The following ARFGEF3 variants were observed in gnomAD, a reference collection of about 807,000 sequenced individuals.
ARFGEF3 encodes the protein brefeldin A-inhibited guanine nucleotide-exchange protein 3.
ARFGEF3 carries 96 observed loss-of-function variants against 221.7 expected under a neutral mutation model. That is an observed-to-expected ratio of 0.43 (90% CI 0.37 to 0.51). The LOEUF (loss-of-function observed/expected upper bound fraction) is 0.51. ARFGEF3 is among the 20% of genes least tolerant of loss of function. The pLI, the probability that ARFGEF3 is intolerant of heterozygous loss-of-function variation, is 0.00. For synonymous variants in ARFGEF3, 1,145 were observed against 1,126.8 expected, an observed-to-expected ratio of 1.02 and a Z score of -0.32; for missense variants, 2,410 against 2,789.9, an observed-to-expected ratio of 0.86 and a Z score of 3.07.
chr6:138,187,787 C>T (rs1221840973), intron 2 of ARFGEF3, among the ~76,000 whole-genome samples: 1 of 152,176 alleles, frequency 6.6e-6, no homozygotes, highest in Non-Finnish European at 1.5e-5. Flanking sequence ...CACTGTAGCC[C>T]ACCTCAGCAT....
chr6:138,187,439 G>A (rs1777210761), intron 2 of ARFGEF3, among the ~76,000 whole-genome samples: 1 of 152,200 alleles, frequency 6.6e-6, no homozygotes, highest in African/African-American at 2.4e-5. Flanking sequence ...CTGGAGCAGT[G>A]AGGCTCCTTG....
intron 1 of ARFGEF3, among the ~76,000 whole-genome samples, chr6:138,167,436 C>A (rs1776743946): frequency 6.6e-6 from 1 of 152,204 alleles, no homozygotes; most frequent in Admixed American, 6.5e-5. Flanking sequence ...AGGCACTCAG[C>A]TCAACAAGGC....
At position 138,338,835 on chromosome 6, in the gene ARFGEF3, C is replaced by G. The variant is rs1253075550; in HGVS notation, c.*2349C>G. On this transcript the variant is annotated 3_prime_UTR_variant, in exon 34 of 34. Coordinates refer to ENST00000251691, the MANE Select transcript of ARFGEF3 (RefSeq NM_020340.5). ...AAAAAAAAAAGTGAATACTGTATCC[C>G]AAAGTATGTTAGTTGTTTGTTTGGA... is the stretch of plus-strand genomic sequence containing the variant. The G allele has an allele frequency of 6.6e-6, 1 of 151,512 alleles. No homozygotes were observed. The highest frequency in any genetic ancestry group is 1.5e-5 in the Non-Finnish European group (1 of 68,020). The allele number at this position is 151,512 out of a possible 1,614,324, so 9.4% of individuals were successfully genotyped here. A position where few individuals can be genotyped will look rare whatever the true frequency, so the allele number is the denominator to read the frequency against.
intron 2 of ARFGEF3, among the ~76,000 whole-genome samples, chr6:138,205,029 G>A (rs943599345): frequency 6.6e-6 from 1 of 152,170 alleles, no homozygotes; most frequent in African/African-American, 2.4e-5. Flanking sequence ...TGTATAAGCA[G>A]GTGAGAGAGT....
At chr6:138,273,887 AC>A (rs759355739) in intron 12 of ARFGEF3, among the ~76,000 whole-genome samples, 1 of 152,206 alleles carries the variant, frequency 6.6e-6, no homozygotes, top group Non-Finnish European at 1.5e-5. Context: ...CTTTAAGTTG[AC>A]AAAATAGACC....
intron 15 of ARFGEF3, among the ~76,000 whole-genome samples, chr6:138,286,465 A>G (rs1427217722): frequency 6.6e-6 from 1 of 151,978 alleles, no homozygotes; most frequent in African/African-American, 2.4e-5. Flanking sequence ...AAAAAAAAAA[A>G]AGAAAAAGAA....
chr6:138,309,699 C>CA (rs1274144251), intron 24 of ARFGEF3, among the ~76,000 whole-genome samples: 2 of 152,144 alleles, frequency 1.3e-5, no homozygotes, highest in African/African-American at 2.4e-5. Flanking sequence ...AGTTCAAAGG[C>CA]CTCAGAATGA....
intron 2 of ARFGEF3, among the ~76,000 whole-genome samples, chr6:138,177,792 T>C (rs781303376): frequency 1.3e-5 from 2 of 152,060 alleles, no homozygotes; most frequent in Non-Finnish European, 2.9e-5. Flanking sequence ...ATTCCTTCAA[T>C]GAATTTTTCA....
chr6:138,295,533 G>A (rs1358191981), intron 20 of ARFGEF3, among the ~76,000 whole-genome samples: 1 of 151,194 alleles, frequency 6.6e-6, no homozygotes, highest in Admixed American at 6.6e-5. Context: ...GGGAGGCTGA[G>A]ACAGGAGAAT....
At chr6:138,255,829 T>C in intron 10 of ARFGEF3, 60 bp downstream of exon 10, 1 of 1,357,724 alleles carries the variant, frequency 7.4e-7, no homozygotes, top group Admixed American at 2.8e-5. Flanking sequence ...GCGTTTCGCA[T>C]ACAAGAAGCG....
At chr6:138,280,876 G>A (rs370480096) in intron 14 of ARFGEF3, among the ~76,000 whole-genome samples, 14 of 151,734 alleles carry the variant, frequency 9.2e-5, no homozygotes, top group East Asian at 3.9e-4. Flanking sequence ...GTTTCCTTCC[G>A]TTTATCCATA....
rs890282470 is a variant in ARFGEF3, at chr6:138,337,906, G to C, written c.*1420G>C. 6.6e-6 allele frequency: 1 copy of C among 152,102 alleles called. No homozygotes were observed. The highest frequency in any genetic ancestry group is 2.4e-5 in the African/African-American group (1 of 41,422). The allele number at this position is 152,102 out of a possible 1,614,324, so 9.4% of individuals were successfully genotyped here. On this transcript the variant is annotated 3_prime_UTR_variant, in exon 34 of 34. Transcript: ENST00000251691. The stretch of plus-strand genomic sequence containing the variant: ...TCCCAGCCCCATTCATAATGAATAA[G>C]TCACCCTTTAAATATAAGACACAAA...
chr6:138,218,469 G>A (rs933363346), intron 4 of ARFGEF3: 16 of 1,458,360 alleles, frequency 1.1e-5, no homozygotes, highest in Non-Finnish European at 1.4e-5. Context: ...ACATCAATTA[G>A]CCACCTCGAT....
At chr6:138,218,348 A>T (rs1055714686) in intron 4 of ARFGEF3, 3 of 1,552,478 alleles carry the variant, frequency 1.9e-6, no homozygotes, top group South Asian at 1.2e-5. Context: ...AAATGTGAAT[A>T]ATATTGTGCA....
intron 25 of ARFGEF3, among the ~76,000 whole-genome samples, chr6:138,312,064 G>A (rs2114667269): frequency 6.6e-6 from 1 of 152,264 alleles, no homozygotes; most frequent in African/African-American, 2.4e-5. Flanking sequence ...GCTGAGGCAG[G>A]AGAATTGCTT....
Position 138,245,214 on chromosome 6 carries a change from A to T in ARFGEF3, c.587-299A>T, listed in dbSNP as rs144489751. Among the ~76,000 whole-genome samples the T allele has an allele frequency of 3.8e-3, 572 of 152,280 alleles. 3 individuals are homozygous for T. Among genetic ancestry groups the T allele is most frequent in the African/African-American group, 0.013 (540 of 41,562 alleles). ...CTACTTAGGAGGCTGAGGCAGGAGAATCACTTGAATTTGGGAGGCGGAGGT... is the reference window on the plus strand; with the variant it reads ...CTACTTAGGAGGCTGAGGCAGGAGATTCACTTGAATTTGGGAGGCGGAGGT... On this transcript the variant is annotated intron_variant, in intron 7 of 33. Coordinates refer to ENST00000251691, the MANE Select transcript of ARFGEF3 (RefSeq NM_020340.5).
chr6:138,163,197 G>T (rs542007436), intron 1 of ARFGEF3, among the ~76,000 whole-genome samples: 1 of 152,310 alleles, frequency 6.6e-6, no homozygotes, highest in South Asian at 2.1e-4. Context: ...TTAATATGTA[G>T]ATGGTCTTAA....
rs1780340433 is a variant in ARFGEF3 at position 138,337,103 on chromosome 6, A to G, written c.*617A>G. 6.5e-6 allele frequency: 1 copy of G among 152,672 alleles called. No homozygotes were observed. The highest frequency in any genetic ancestry group is 2.4e-5 in the African/African-American group (1 of 41,460). The allele number at this position is 152,672 out of a possible 1,614,324, so 9.5% of individuals were successfully genotyped here. On this transcript the variant is annotated 3_prime_UTR_variant, in exon 34 of 34. Transcript: ENST00000251691. ...TCATTAAGATTTTCAGGTATTCACC[A>G]ATTTCCCCATGTAAGGTACTGTGTT... is the stretch of plus-strand genomic sequence containing the variant.
chr6:138,258,136 A>G (rs747740881), intron 10 of ARFGEF3, among the ~76,000 whole-genome samples: 3 of 152,108 alleles, frequency 2.0e-5, no homozygotes, highest in Non-Finnish European at 4.4e-5. Context: ...TACTGTGCCC[A>G]GCTTCCAGAG....
Sources: gnomAD v4.1 joint callset for allele counts (sites outside exome capture counted in the v4.1 genomes callset) on GRCh38, gnomAD v4.1.1 for gene constraint, MANE v1.5 for transcripts, NCBI Gene and HGNC (gene_info 2026-07-23, HGNC 2026-07-21) for gene names.